The following RECK variants were observed in gnomAD, a reference collection of about 807,000 sequenced individuals.
RECK encodes reversion inducing cysteine rich protein with kazal motifs.
A neutral mutation model predicts 115.1 loss-of-function variants in RECK; 69 were observed. The observed-to-expected ratio is 0.60, with a 90% confidence interval of 0.49 to 0.73. RECK has a LOEUF of 0.73. Among genes scored for constraint, RECK ranks in the 30% least tolerant of loss-of-function variants. The pLI, the probability that RECK is intolerant of heterozygous loss-of-function variation, is 0.00. For missense variants in RECK, 1,047 were observed against 1,203.7 expected (o/e 0.87, Z 1.93); for synonymous variants, 414 against 419.7 (o/e 0.99, Z 0.17).
chr9:36,118,369 A>G (rs565058985), intron 17 of RECK, among the ~76,000 whole-genome samples: 1 of 152,256 alleles, frequency 6.6e-6, no homozygotes, highest in South Asian at 2.1e-4. Flanking sequence ...CATACCCAGC[A>G]TGAAATGATA....
At chr9:36,115,240 G>T (rs564439617) in intron 16 of RECK, among the ~76,000 whole-genome samples, 2 of 151,820 alleles carry the variant, frequency 1.3e-5, no homozygotes, top group Non-Finnish European at 2.9e-5. Context: ...TCTTGAACCC[G>T]GGAAGCAGAG....
intron 6 of RECK, among the ~76,000 whole-genome samples, chr9:36,070,583 T>C (rs1346469301): frequency 2.0e-5 from 3 of 151,820 alleles, no homozygotes. Context: ...CAGATACTGA[T>C]CTGAAATTGA....
chr9:36,057,202 T>A (rs956923586), intron 2 of RECK, among the ~76,000 whole-genome samples: 3 of 152,048 alleles, frequency 2.0e-5, no homozygotes, highest in Non-Finnish European at 4.4e-5. Flanking sequence ...TTATGGAGAA[T>A]TTATGTGCCA....
At chr9:36,071,422 G>T (rs959151177) in intron 6 of RECK, among the ~76,000 whole-genome samples, 1 of 152,106 alleles carries the variant, frequency 6.6e-6, no homozygotes, top group African/African-American at 2.4e-5. Context: ...TTTAATGGCA[G>T]ACCTTACCTG....
At chr9:36,120,556 C>A in intron 18 of RECK, 107 bp from the exon 19 acceptor site, 1 of 837,112 alleles carries the variant, frequency 1.2e-6, no homozygotes, top group Non-Finnish European at 1.9e-6. Context: ...TTGGGAAGGA[C>A]ACTGTAACTC....
chr9:36,062,605 G>A (rs753746657), intron 4 of RECK, among the ~76,000 whole-genome samples: 9 of 151,932 alleles, frequency 5.9e-5, no homozygotes, highest in Non-Finnish European at 1.3e-4. Context: ...ACCCTCCCGA[G>A]TAGTTTGGAC....
chr9:36,068,324 T>A (rs1287342504), intron 6 of RECK, among the ~76,000 whole-genome samples: 1 of 152,186 alleles, frequency 6.6e-6, no homozygotes, highest in African/African-American at 2.4e-5. Context: ...AGATTCGTTA[T>A]GATGGATTGA....
chr9:36,068,578 A>G (rs7866368), intron 6 of RECK, among the ~76,000 whole-genome samples: 23,641 of 152,236 alleles, frequency 0.16, 3,700 homozygotes, highest in African/African-American at 0.39. Flanking sequence ...AGAAGTAAGA[A>G]CAGTAAAGAA....
At chr9:36,118,201 T>C (rs10972733) in intron 17 of RECK, among the ~76,000 whole-genome samples, 12,340 of 152,214 alleles carry the variant, frequency 0.081, 631 homozygotes, top group South Asian at 0.18. Context: ...TCAGAGCCCC[T>C]GTGCCATTTG....
At chr9:36,061,125 T>C (rs1035960524) in intron 4 of RECK, among the ~76,000 whole-genome samples, 1 of 152,068 alleles carries the variant, frequency 6.6e-6, no homozygotes, top group Admixed American at 6.6e-5. Context: ...AAATAATTTA[T>C]CAGGGGATAT....
intron 16 of RECK, among the ~76,000 whole-genome samples, chr9:36,116,125 CTT>C (rs11313050): frequency 0.21 from 25,852 of 124,106 alleles, 2,816 homozygotes; most frequent in African/African-American, 0.31. Flanking sequence ...AGAGTGAGGC[CTT>C]TTTTTTTTTT....
chr9:36,087,422 A>G (rs1484363614), intron 8 of RECK, among the ~76,000 whole-genome samples: 1 of 152,196 alleles, frequency 6.6e-6, no homozygotes, highest in Non-Finnish European at 1.5e-5. Flanking sequence ...GTTCTCACTC[A>G]TAAGTGGGAG....
intron 10 of RECK, among the ~76,000 whole-genome samples, chr9:36,091,986 A>G (rs184493280): frequency 1.4e-3 from 220 of 152,374 alleles, no homozygotes; most frequent in Non-Finnish European, 6.3e-4. Context: ...CCAGAAATAA[A>G]GAGGGCAAAA....
intron 6 of RECK, among the ~76,000 whole-genome samples, chr9:36,073,241 G>GACACAC (rs778489595): frequency 0.013 from 854 of 67,462 alleles, 7 homozygotes; most frequent in African/African-American, 0.033. Flanking sequence ...GACACACACA[G>GACACAC]ACACACACAC....
chr9:36,057,624 G>A (rs940589574), intron 2 of RECK, among the ~76,000 whole-genome samples: 2 of 152,110 alleles, frequency 1.3e-5, no homozygotes, highest in African/African-American at 4.8e-5. Context: ...TTCAAGACCA[G>A]CCATGGCAAC....
At chr9:36,044,351 G>A (rs968887451) in intron 1 of RECK, among the ~76,000 whole-genome samples, 2 of 151,834 alleles carry the variant, frequency 1.3e-5, no homozygotes, top group Admixed American at 6.6e-5. Context: ...TATTGAATTC[G>A]TTTATCAGAT....
chr9:36,068,607 AT>A (rs1215292622), intron 6 of RECK, among the ~76,000 whole-genome samples: 1 of 152,228 alleles, frequency 6.6e-6, no homozygotes, highest in Non-Finnish European at 1.5e-5. Flanking sequence ...CTTTGAGGGC[AT>A]TTGCTGAATC....
intron 8 of RECK, among the ~76,000 whole-genome samples, chr9:36,086,422 G>A (rs927424292): frequency 1.3e-5 from 2 of 152,004 alleles, no homozygotes; most frequent in African/African-American, 4.8e-5. Context: ...GTGGGTTCGT[G>A]GTCTCGCTGA....
chr9:36,054,078 G>T (rs1256347078), intron 2 of RECK, among the ~76,000 whole-genome samples: 1 of 152,118 alleles, frequency 6.6e-6, no homozygotes, highest in Non-Finnish European at 1.5e-5. Context: ...TGGGAGAAGT[G>T]TATCAGGGGT....
Sources: gnomAD v4.1 joint callset for allele counts (sites outside exome capture counted in the v4.1 genomes callset) on GRCh38, gnomAD v4.1.1 for gene constraint, MANE v1.5 for transcripts, NCBI Gene and HGNC (gene_info 2026-07-23, HGNC 2026-07-21) for gene names.